The following LHFPL3 variants were observed in gnomAD, a reference collection of about 807,000 sequenced individuals.
LHFPL3 encodes the protein LHFPL tetraspan subfamily member 3 protein.
In LHFPL3, 5 loss-of-function variants were observed where a neutral mutation model predicts 19.3. The observed-to-expected ratio is 0.26, with a 90% confidence interval of 0.14 to 0.54. LHFPL3 has a LOEUF of 0.54. LHFPL3 is among the 20% of genes least tolerant of loss of function. The pLI is 0.94. For synonymous variants in LHFPL3, 133 were observed against 126.2 expected, an observed-to-expected ratio of 1.05 and a Z score of -0.36; for missense variants, 249 against 307.4, an observed-to-expected ratio of 0.81 and a Z score of 1.42.
In LHFPL3 at chr7:104,778,324, C is replaced by G. The variant is rs1339967712; in HGVS notation, c.682+41413C>G. ...CTTGTGCAGAGGCGGTGACCCTACC[C>G]ACCTTGGTCTCACTCATCCAGAATC... On this transcript the variant is annotated intron_variant, in intron 2 of 2. Coordinates refer to ENST00000424859, the MANE Select transcript of LHFPL3 (RefSeq NM_199000.3). 2.6e-5 allele frequency among the ~76,000 whole-genome samples: 4 copies of G among 152,262 alleles called. No homozygotes were observed. In the East Asian group the frequency reaches 7.7e-4, roughly 29 times the overall value.
Position 104,533,017 on chromosome 7 carries a change from G to A in LHFPL3, c.446-203658G>A, listed in dbSNP as rs565968141. 2.4e-4 allele frequency among the ~76,000 whole-genome samples: 37 copies of A among 152,238 alleles called. 1 individual carries two copies. In the South Asian group the frequency reaches 3.9e-3, roughly 16 times the overall value. Reference sequence around the variant, plus strand: ...GAATTCTTCCAAGGGAACTATAGTCGTCATACTTCCACTTGCAAATTATAC... The same window carrying A: ...GAATTCTTCCAAGGGAACTATAGTCATCATACTTCCACTTGCAAATTATAC... On this transcript the variant is annotated intron_variant, in intron 1 of 2. Transcript: ENST00000424859.
chr7:104,402,196 A>C (rs1299652097), intron 1 of LHFPL3, among the ~76,000 whole-genome samples: 1 of 152,218 alleles, frequency 6.6e-6, no homozygotes, highest in Non-Finnish European at 1.5e-5. Flanking sequence ...GCAAGTTTTA[A>C]ACACTGGGCT....
chr7:104,426,611 G>T (rs1447509289), intron 1 of LHFPL3, among the ~76,000 whole-genome samples: 1 of 152,148 alleles, frequency 6.6e-6, no homozygotes, highest in Admixed American at 6.5e-5. Flanking sequence ...AATGAAGTCA[G>T]TGTTTATGAA....
intron 1 of LHFPL3, among the ~76,000 whole-genome samples, chr7:104,522,449 G>T (rs537330158): frequency 6.6e-6 from 1 of 151,074 alleles, no homozygotes; most frequent in East Asian, 2.0e-4. Flanking sequence ...TGACGAGTTA[G>T]TGGGTGCAGC....
At chr7:104,405,461 A>T (rs1791396160) in intron 1 of LHFPL3, among the ~76,000 whole-genome samples, 1 of 152,206 alleles carries the variant, frequency 6.6e-6, no homozygotes, top group South Asian at 2.1e-4. Flanking sequence ...AATGGTAGTT[A>T]ACATTTACTA....
intron 2 of LHFPL3, among the ~76,000 whole-genome samples, chr7:104,870,925 T>G (rs1382928735): frequency 6.6e-6 from 1 of 152,010 alleles, no homozygotes; most frequent in East Asian, 1.9e-4. Context: ...AGCAAGGCAG[T>G]GGGGGGCACT....
intron 1 of LHFPL3, among the ~76,000 whole-genome samples, chr7:104,455,729 CA>C (rs1792526139): frequency 6.6e-6 from 1 of 151,772 alleles, no homozygotes. Flanking sequence ...TCAAAACACA[CA>C]AAAAAATAGT....
intron 1 of LHFPL3, among the ~76,000 whole-genome samples, chr7:104,586,219 G>A (rs1270308746): frequency 2.0e-5 from 3 of 152,218 alleles, no homozygotes; most frequent in Non-Finnish European, 4.4e-5. Flanking sequence ...TTTAAGGATG[G>A]GGTAGTTCTA....
At chr7:104,760,268 C>T (rs1562985175) in intron 2 of LHFPL3, among the ~76,000 whole-genome samples, 1 of 152,172 alleles carries the variant, frequency 6.6e-6, no homozygotes, top group Non-Finnish European at 1.5e-5. Flanking sequence ...CTGCCAGAAA[C>T]CAAACTTTGA....
At chr7:104,582,180 T>G (rs1267617801) in intron 1 of LHFPL3, among the ~76,000 whole-genome samples, 4 of 151,896 alleles carry the variant, frequency 2.6e-5, no homozygotes, top group Non-Finnish European at 5.9e-5. Context: ...TTTTTAAAAT[T>G]TATTCCTTTT....
intron 2 of LHFPL3, among the ~76,000 whole-genome samples, chr7:104,773,659 G>A (rs895873210): frequency 1.3e-5 from 2 of 152,200 alleles, no homozygotes; most frequent in Non-Finnish European, 2.9e-5. Context: ...CACTGCAGTA[G>A]GGCAGGCCCC....
At chr7:104,506,073 G>GGC (rs1793692878) in intron 1 of LHFPL3, among the ~76,000 whole-genome samples, 1 of 151,316 alleles carries the variant, frequency 6.6e-6, no homozygotes, top group Non-Finnish European at 1.5e-5. Flanking sequence ...CTGGAGTGCA[G>GGC]TGACACGATT....
At chr7:104,575,840 C>T (rs1394503903) in intron 1 of LHFPL3, among the ~76,000 whole-genome samples, 1 of 152,028 alleles carries the variant, frequency 6.6e-6, no homozygotes, top group Non-Finnish European at 1.5e-5. Context: ...TAAGGAGCCT[C>T]CTTTCCTCCT....
intron 1 of LHFPL3, among the ~76,000 whole-genome samples, chr7:104,582,557 G>A (rs879297496): frequency 3.3e-5 from 5 of 151,986 alleles, no homozygotes; most frequent in African/African-American, 7.2e-5. Flanking sequence ...TAGGGAGAAA[G>A]TATCAATATT....
At chr7:104,672,421 T>C (rs1441826629) in intron 1 of LHFPL3, among the ~76,000 whole-genome samples, 1 of 152,194 alleles carries the variant, frequency 6.6e-6, no homozygotes, top group African/African-American at 2.4e-5. Context: ...TCTCAGTTCC[T>C]CGCACAGTGA....
At chr7:104,484,364 C>G (rs908488426) in intron 1 of LHFPL3, among the ~76,000 whole-genome samples, 4 of 152,202 alleles carry the variant, frequency 2.6e-5, no homozygotes, top group African/African-American at 9.7e-5. Flanking sequence ...CATCCCCTTT[C>G]CCTCCTTCCC....
At chr7:104,521,366 A>C (rs1176991050) in intron 1 of LHFPL3, among the ~76,000 whole-genome samples, 1 of 152,146 alleles carries the variant, frequency 6.6e-6, no homozygotes, top group African/African-American at 2.4e-5. Flanking sequence ...CTTTACTTCC[A>C]AGTATATGGT....
intron 1 of LHFPL3, among the ~76,000 whole-genome samples, chr7:104,387,386 G>C (rs370233452): frequency 1.3e-5 from 2 of 151,516 alleles, no homozygotes; most frequent in East Asian, 1.9e-4. Flanking sequence ...AAAAATGAAA[G>C]TAAAAAAAAG....
At chr7:104,563,949 A>G (rs1391636241) in intron 1 of LHFPL3, among the ~76,000 whole-genome samples, 1 of 152,230 alleles carries the variant, frequency 6.6e-6, no homozygotes, top group Non-Finnish European at 1.5e-5. Context: ...GCATAAACTG[A>G]TCTTTCTGCC....
Sources: gnomAD v4.1 joint callset for allele counts (sites outside exome capture counted in the v4.1 genomes callset) on GRCh38, gnomAD v4.1.1 for gene constraint, MANE v1.5 for transcripts, NCBI Gene and HGNC (gene_info 2026-07-23, HGNC 2026-07-21) for gene names.